Variants in CNTNAP2 observed in about 807,000 individuals in gnomAD.
CNTNAP2 encodes contactin-associated protein-like 2.
In CNTNAP2, 98 loss-of-function variants were observed where a neutral mutation model predicts 155.2. The observed-to-expected ratio is 0.63, with a 90% confidence interval of 0.54 to 0.75. The LOEUF (loss-of-function observed/expected upper bound fraction) is 0.75, where lower values mean the gene tolerates loss of function less well. Ranked by LOEUF, CNTNAP2 falls within the 30% of genes least tolerant of loss-of-function variation. The pLI, the probability that CNTNAP2 is intolerant of heterozygous loss-of-function variation, is 0.00. For missense variants in CNTNAP2, 1,727 were observed against 1,688.1 expected, an observed-to-expected ratio of 1.02 and a Z score of -0.40; for synonymous variants, 651 against 631.2, an observed-to-expected ratio of 1.03 and a Z score of -0.47.
At chr7:146,820,550 T>C (rs1803260363) in intron 2 of CNTNAP2, among the ~76,000 whole-genome samples, 3 of 152,160 alleles carry the variant, frequency 2.0e-5, no homozygotes, top group African/African-American at 4.8e-5. Context: ...ATAATTTCTG[T>C]TCTTTTACAT....
chr7:146,955,600 TAA>T (rs940179627), intron 3 of CNTNAP2, among the ~76,000 whole-genome samples: 2 of 152,012 alleles, frequency 1.3e-5, no homozygotes, highest in African/African-American at 4.8e-5. Context: ...GTAAATATGA[TAA>T]GTTTATCGAA....
At chr7:147,889,360 A>G (rs1028023479) in intron 13 of CNTNAP2, among the ~76,000 whole-genome samples, 2 of 152,224 alleles carry the variant, frequency 1.3e-5, no homozygotes, top group South Asian at 4.1e-4. Flanking sequence ...TTAAAAAGAA[A>G]AACTATGTGC....
In CNTNAP2 at chr7:148,147,506, C is replaced by G. The variant is rs200330677; in HGVS notation, c.2570C>G (p.Ser857Cys). The G allele has an allele frequency of 6.2e-7, 1 of 1,614,106 alleles. No individual in the cohort carries two copies. The highest frequency in any genetic ancestry group is 2.2e-5 in the East Asian group (1 of 44,866). The change falls in exon 17 of 24, where the codon TCC (serine) becomes TGC (cysteine). Residue 857 changes from serine (S) to cysteine (C), a missense_variant. Transcript: ENST00000361727. ...KLELKSATEVSFSFDVGNGPV... is the reference protein window; with the variant it reads ...KLELKSATEVCFSFDVGNGPV... ...GCTCCTCCAGCTGCCACAGAAGTGT[C>G]CTTTTCATTTGATGTGGGAAATGGG...
chr7:147,794,504 G>A (rs1349781165), intron 13 of CNTNAP2, among the ~76,000 whole-genome samples: 2 of 151,868 alleles, frequency 1.3e-5, no homozygotes, highest in East Asian at 1.9e-4. Context: ...TTATTCATGA[G>A]ATATGATCCT....
At chr7:146,298,746 T>C (rs1584855299) in intron 1 of CNTNAP2, among the ~76,000 whole-genome samples, 1 of 152,366 alleles carries the variant, frequency 6.6e-6, no homozygotes, top group African/African-American at 2.4e-5. Context: ...GTTCTGCTCT[T>C]GGACAGCTCT....
chr7:147,525,762 T>A (rs2116714873), intron 11 of CNTNAP2, among the ~76,000 whole-genome samples: 1 of 152,348 alleles, frequency 6.6e-6, no homozygotes, highest in East Asian at 1.9e-4. Flanking sequence ...TCAGTAAACA[T>A]ATTTACTAAC....
At chr7:146,844,752 C>T (rs12703841) in intron 3 of CNTNAP2, among the ~76,000 whole-genome samples, 35,909 of 151,954 alleles carry the variant, frequency 0.24, 4,423 homozygotes, top group Non-Finnish European at 0.28. Context: ...ATTTACCAGT[C>T]ATATGAGCGC....
chr7:146,461,010 GAT>G (rs2129124484), intron 1 of CNTNAP2, among the ~76,000 whole-genome samples: 2 of 152,270 alleles, frequency 1.3e-5, no homozygotes, highest in East Asian at 3.9e-4. Flanking sequence ...GGAGGTGATG[GAT>G]ATGTTACTTG....
At chr7:146,981,525 T>C (rs1018622662) in intron 3 of CNTNAP2, among the ~76,000 whole-genome samples, 2 of 152,222 alleles carry the variant, frequency 1.3e-5, no homozygotes, top group East Asian at 1.9e-4. Flanking sequence ...ACGTAGCCCA[T>C]TAAAAACCTA....
At chr7:146,322,140 C>A (rs1801014595) in intron 1 of CNTNAP2, among the ~76,000 whole-genome samples, 1 of 152,054 alleles carries the variant, frequency 6.6e-6, no homozygotes, top group Non-Finnish European at 1.5e-5. Context: ...TATTAGGTAA[C>A]CTTCACTTTT....
intron 14 of CNTNAP2, among the ~76,000 whole-genome samples, chr7:147,922,125 C>T (rs1335392130): frequency 1.3e-5 from 2 of 152,192 alleles, no homozygotes; most frequent in Admixed American, 6.5e-5. Context: ...ATCCTTGTTA[C>T]ATTTTAAATA....
At chr7:146,132,875 A>G (rs372255661) in intron 1 of CNTNAP2, among the ~76,000 whole-genome samples, 3 of 148,844 alleles carry the variant, frequency 2.0e-5, no homozygotes, top group African/African-American at 5.0e-5. Flanking sequence ...ATAAACATAC[A>G]TGTGCATGTG....
Position 148,416,077 on chromosome 7 carries a change from T to C in CNTNAP2, c.*461T>C, listed in dbSNP as rs1046470118. 5.7e-6 allele frequency: 1 copy of C among 174,440 alleles called. No homozygotes were observed. The highest frequency in any genetic ancestry group is 1.2e-5 in the Non-Finnish European group (1 of 81,658). The allele number at this position is 174,440 out of a possible 1,614,324, so 10.8% of individuals were successfully genotyped here. Reference sequence around the variant, plus strand: ...GCTTCTAGTCAACCTTAATGGGCTGTTACAGAAACTAGTTCGTGTTTATAT... The same window carrying C: ...GCTTCTAGTCAACCTTAATGGGCTGCTACAGAAACTAGTTCGTGTTTATAT... On this transcript the variant is annotated 3_prime_UTR_variant, in exon 24 of 24. Coordinates refer to ENST00000361727, the MANE Select transcript of CNTNAP2 (RefSeq NM_014141.6).
intron 21 of CNTNAP2, among the ~76,000 whole-genome samples, chr7:148,284,340 C>T (rs1461618699): frequency 6.6e-6 from 1 of 152,082 alleles, no homozygotes; most frequent in Non-Finnish European, 1.5e-5. Flanking sequence ...TAAGGGGTTT[C>T]CCTTTCAGTT....
intron 11 of CNTNAP2, among the ~76,000 whole-genome samples, chr7:147,507,306 G>C (rs1798923771): frequency 6.6e-6 from 1 of 151,468 alleles, no homozygotes. Context: ...GGAGTAACAT[G>C]TGTTTAAAAA....
chr7:146,349,525 T>G (rs941243689), intron 1 of CNTNAP2, among the ~76,000 whole-genome samples: 2 of 152,224 alleles, frequency 1.3e-5, no homozygotes, highest in African/African-American at 2.4e-5. Flanking sequence ...GTTAGCTGGT[T>G]ATTTTGCTCG....
At chr7:148,322,694 C>T (rs1227335554) in intron 21 of CNTNAP2, among the ~76,000 whole-genome samples, 3 of 152,126 alleles carry the variant, frequency 2.0e-5, no homozygotes, top group East Asian at 1.9e-4. Context: ...GTTTATCCAA[C>T]CTTATTTCTC....
chr7:147,315,039 T>G (rs1177212713), intron 9 of CNTNAP2, among the ~76,000 whole-genome samples: 1 of 149,748 alleles, frequency 6.7e-6, no homozygotes, highest in Non-Finnish European at 1.5e-5. Flanking sequence ...TTTGTGTGTT[T>G]GCTAAGATAA....
chr7:146,657,202 A>G (rs771465965), intron 1 of CNTNAP2, among the ~76,000 whole-genome samples: 8 of 152,182 alleles, frequency 5.3e-5, no homozygotes, highest in Non-Finnish European at 1.2e-4. Context: ...TTCCTTAACT[A>G]ATCCACCAAT....
Sources: allele counts gnomAD v4.1 joint callset (sites outside exome capture counted in the v4.1 genomes callset), GRCh38; gene constraint gnomAD v4.1.1; transcripts MANE v1.5; gene names NCBI Gene and HGNC (gene_info 2026-07-23, HGNC 2026-07-21).